DOCK9: variants seen among roughly 807,000 people sequenced by gnomAD.
The protein encoded by DOCK9 is dedicator of cytokinesis 9.
In DOCK9, 89 loss-of-function variants were observed where a neutral mutation model predicts 263.3. The ratio of observed to expected loss-of-function variants is 0.34; its 90% confidence interval spans 0.28 to 0.40. DOCK9 has a LOEUF of 0.40. Among genes scored for constraint, DOCK9 ranks in the 10% least tolerant of loss-of-function variants. The probability of loss-of-function intolerance (pLI) is 1.00; values close to 1 mark genes in which losing one functional copy is unlikely to be tolerated. For synonymous variants in DOCK9, 976 were observed against 973.1 expected (o/e 1.00, Z -0.06); for missense variants, 2,140 against 2,603.4 (o/e 0.82, Z 3.87).
rs1339560139 is a variant in DOCK9, at chr13:98,793,462, C to G, written c.*1164G>C. ...ATCCTGTTCCCTTAGGACTGCTGAA[C>G]AATAAACACCCAGCAGCCACCCCAA... On this transcript the variant is annotated 3_prime_UTR_variant, in exon 53 of 53. Transcript: ENST00000682017. 6.6e-6 allele frequency: 1 copy of G among 152,590 alleles called. No homozygotes were observed. Among genetic ancestry groups the G allele is most frequent in the East Asian group, 1.9e-4 (1 of 5,186 alleles). 9.5% of individuals were successfully genotyped at this position (152,590 alleles called of 1,614,324 possible).
At chr13:99,070,662 A>T (rs751759728) in intron 1 of DOCK9, among the ~76,000 whole-genome samples, 4 of 152,218 alleles carry the variant, frequency 2.6e-5, no homozygotes, top group Non-Finnish European at 5.9e-5. Flanking sequence ...AGTGCTATTA[A>T]AATGTCCACT....
At chr13:99,024,440 A>G (rs1299854872) in intron 1 of DOCK9, among the ~76,000 whole-genome samples, 1 of 152,248 alleles carries the variant, frequency 6.6e-6, no homozygotes, top group African/African-American at 2.4e-5. Flanking sequence ...TAAAAGAGAT[A>G]TAAAGTATAA....
intron 1 of DOCK9, among the ~76,000 whole-genome samples, chr13:98,996,226 A>C (rs1012882024): frequency 1.3e-5 from 2 of 152,204 alleles, no homozygotes; most frequent in African/African-American, 4.8e-5. Flanking sequence ...GATGCTGGCC[A>C]AGGATGGAGC....
At chr13:98,872,935 C>T (rs1453698951) in intron 27 of DOCK9, among the ~76,000 whole-genome samples, 2 of 152,210 alleles carry the variant, frequency 1.3e-5, no homozygotes, top group Non-Finnish European at 2.9e-5. Context: ...CACATGGCTG[C>T]TCCCTGCCAG....
At chr13:98,889,710 C>T (rs1473033700) in intron 15 of DOCK9, among the ~76,000 whole-genome samples, 1 of 152,154 alleles carries the variant, frequency 6.6e-6, no homozygotes, top group East Asian at 1.9e-4. Flanking sequence ...CTCTATCTTT[C>T]AACCACCTAT....
intron 32 of DOCK9, among the ~76,000 whole-genome samples, chr13:98,861,716 G>T (rs1351402836): frequency 6.6e-6 from 1 of 152,182 alleles, no homozygotes; most frequent in Non-Finnish European, 1.5e-5. Context: ...ACCAGAGACT[G>T]AGTAAAAAAG....
chr13:99,038,670 T>G (rs549098701), intron 1 of DOCK9, among the ~76,000 whole-genome samples: 1 of 152,326 alleles, frequency 6.6e-6, no homozygotes, highest in Admixed American at 6.5e-5. Context: ...TTTCACACCC[T>G]GTCCCTTGAA....
chr13:98,797,084 T>G (rs1296323911), intron 52 of DOCK9, 31 bp downstream of exon 52: 1 of 1,613,694 alleles, frequency 6.2e-7, no homozygotes, highest in Admixed American at 1.7e-5. Context: ...AACCAAGAAC[T>G]CCAAGTTGTT....
intron 45 of DOCK9, among the ~76,000 whole-genome samples, chr13:98,821,935 A>C (rs547367896): frequency 5.9e-5 from 9 of 152,270 alleles, no homozygotes; most frequent in African/African-American, 2.2e-4. Context: ...TTTTCCCCAA[A>C]GTCCTTCCTC....
At chr13:98,915,636 C>T (rs1424427625) in intron 7 of DOCK9, 133 bp from the exon 8 acceptor site, 3 of 780,430 alleles carry the variant, frequency 3.8e-6, no homozygotes, top group Non-Finnish European at 5.7e-6. Context: ...CTTGCCCCCT[C>T]CTCATGAAAG....
At chr13:98,837,052 T>G (rs570184227) in intron 39 of DOCK9, among the ~76,000 whole-genome samples, 32 of 152,018 alleles carry the variant, frequency 2.1e-4, no homozygotes, top group African/African-American at 7.5e-4. Context: ...CTCCAAAACG[T>G]TTTTATCATT....
At chr13:98,797,515 T>C in intron 50 of DOCK9, 26 bp from the exon 51 acceptor site, 1 of 1,574,354 alleles carries the variant, frequency 6.4e-7, no homozygotes, top group Non-Finnish European at 8.7e-7. Context: ...AGATTTTCAG[T>C]TCCACTAGGA....
At chr13:98,809,494 C>A in intron 46 of DOCK9, 29 bp from the exon 47 acceptor site, 1 of 1,536,934 alleles carries the variant, frequency 6.5e-7, no homozygotes. Context: ...CCCATTTCTT[C>A]CCATGTGCAA....
chr13:98,987,262 T>C (rs1240195017), intron 1 of DOCK9, among the ~76,000 whole-genome samples: 4 of 152,232 alleles, frequency 2.6e-5, no homozygotes, highest in East Asian at 3.8e-4. Flanking sequence ...TTGTATCCCA[T>C]AAATATATAC....
At chr13:98,864,918 T>G (rs1434442738) in intron 30 of DOCK9, among the ~76,000 whole-genome samples, 2 of 152,120 alleles carry the variant, frequency 1.3e-5, no homozygotes, top group East Asian at 1.9e-4. Context: ...CGTCTCTTGC[T>G]CCCTCTCTCG....
At chr13:98,988,921 G>A (rs141028609) in intron 1 of DOCK9, among the ~76,000 whole-genome samples, 166 of 152,256 alleles carry the variant, frequency 1.1e-3, no homozygotes, top group African/African-American at 3.6e-3. Context: ...AGGGTAGGAC[G>A]GCATCCCCAT....
chr13:98,977,762 A>G (rs1567158441), intron 1 of DOCK9, 22 bp downstream of exon 1: 1 of 1,609,956 alleles, frequency 6.2e-7, no homozygotes, highest in East Asian at 2.2e-5. Context: ...ACACAGCAAC[A>G]CTTTGTACGA....
Position 98,902,962 on chromosome 13 carries a change from G to T in DOCK9, c.1176+10C>A. 1 of 1,496,042 alleles carries T rather than the reference G, an allele frequency of 6.7e-7. No homozygotes were observed. The allele number at this position is 1,496,042 out of a possible 1,614,324, so 92.7% of individuals were successfully genotyped here. A position where few individuals can be genotyped will look rare whatever the true frequency, so the allele number is the denominator to read the frequency against. Reference sequence around the variant, plus strand: ...TTTTTTTAATGTTTATTTTTAAAATGAAAAATTACATTTGTAGTGGGTCCT... The same window carrying T: ...TTTTTTTAATGTTTATTTTTAAAATTAAAAATTACATTTGTAGTGGGTCCT... On this transcript the variant is annotated intron_variant, in intron 11 of 52. Transcript: ENST00000682017.
At chr13:98,948,514 G>A (rs185774965) in intron 2 of DOCK9, among the ~76,000 whole-genome samples, 13 of 152,202 alleles carry the variant, frequency 8.5e-5, no homozygotes, top group East Asian at 3.9e-4. Flanking sequence ...ATCCTATAAC[G>A]AAATCCTATG....
Sources: allele counts gnomAD v4.1 joint callset (sites outside exome capture counted in the v4.1 genomes callset), GRCh38; gene constraint gnomAD v4.1.1; transcripts MANE v1.5; gene names NCBI Gene and HGNC (gene_info 2026-07-23, HGNC 2026-07-21).